Variants in NEXN observed in about 807,000 individuals in gnomAD.
NEXN encodes nexilin F-actin binding protein, also known as nexilin.
Under a neutral mutation model 92.6 loss-of-function variants are expected in NEXN, and 65 were observed. The ratio of observed to expected loss-of-function variants is 0.70; its 90% CI spans 0.57 to 0.86. NEXN has a LOEUF of 0.86. Among genes scored for constraint, NEXN ranks in the 40% least tolerant of loss-of-function variants. The probability of loss-of-function intolerance (pLI) is 0.00; values close to 1 mark genes in which losing one functional copy is unlikely to be tolerated. For synonymous variants in NEXN, 254 were observed against 242.5 expected (o/e 1.05, Z -0.44); for missense variants, 778 against 771.1 (o/e 1.01, Z -0.11).
At chr1:77,928,773 G>A (rs76748307) in intron 8 of NEXN, among the ~76,000 whole-genome samples, 1,792 of 152,064 alleles carry the variant, frequency 0.012, 33 homozygotes, top group African/African-American at 0.042. Context: ...ACACACATAC[G>A]CATTTTATAT....
intron 5 of NEXN, among the ~76,000 whole-genome samples, chr1:77,920,208 C>T (rs1649314881): frequency 6.6e-6 from 1 of 152,068 alleles, no homozygotes; most frequent in African/African-American, 2.4e-5. Context: ...GTAATTTTAT[C>T]TTGTAAATAT....
intron 1 of NEXN, among the ~76,000 whole-genome samples, chr1:77,891,311 G>C (rs933397583): frequency 1.3e-5 from 2 of 152,072 alleles, no homozygotes; most frequent in Non-Finnish European, 2.9e-5. Context: ...TTAGGATTTT[G>C]ATGTATTTCC....
chr1:77,891,131 A>G (rs1482101269), intron 1 of NEXN, among the ~76,000 whole-genome samples: 1 of 152,082 alleles, frequency 6.6e-6, no homozygotes, highest in African/African-American at 2.4e-5. Flanking sequence ...AGTTTGGCTT[A>G]ATTTATAGTA....
chr1:77,930,677 ATTTG>A (rs1190499021), intron 9 of NEXN, among the ~76,000 whole-genome samples: 3 of 152,052 alleles, frequency 2.0e-5, no homozygotes, highest in East Asian at 1.9e-4. Flanking sequence ...AATATGCTGA[ATTTG>A]TTTGTATTTC....
In NEXN at chr1:77,921,777, G is replaced by A. The variant is rs191585293; in HGVS notation, c.448-3411G>A. Among the ~76,000 whole-genome samples the A allele has an allele frequency of 1.6e-4, 25 of 152,224 alleles. No homozygotes were observed. In the East Asian group the frequency reaches 1.7e-3, roughly 11 times the overall value. ...TTAAAAAAAATTAGCTGAGCATGGT[G>A]GCGCATGTCTGCAGTCCCAGCTACT... On this transcript the variant is annotated intron_variant, in intron 5 of 12. Transcript: ENST00000334785.
chr1:77,891,360 G>A (rs1282599065), intron 1 of NEXN, among the ~76,000 whole-genome samples: 1 of 151,876 alleles, frequency 6.6e-6, no homozygotes, highest in African/African-American at 2.4e-5. Context: ...CTTTCTTTTT[G>A]CATTGACATA....
In NEXN at chr1:77,918,282, G is replaced by A; in HGVS notation, c.447+9G>A. Reference sequence around the variant, plus strand: ...CAAAAAGGGCTGAACAGGTATCACTGAAGATTAAGTTCGTATTTGTTTCTG... The same window carrying A: ...CAAAAAGGGCTGAACAGGTATCACTAAAGATTAAGTTCGTATTTGTTTCTG... On this transcript the variant is annotated intron_variant, in intron 5 of 12. Transcript: ENST00000334785. The A allele has an allele frequency of 6.2e-7, 1 of 1,613,806 alleles. No individual in the cohort carries two copies. The highest frequency in any genetic ancestry group is 8.5e-7 in the Non-Finnish European group (1 of 1,179,758).
chr1:77,931,136 C>T (rs996092819), intron 9 of NEXN, among the ~76,000 whole-genome samples: 7 of 150,544 alleles, frequency 4.6e-5, no homozygotes, highest in Admixed American at 6.7e-5. Context: ...GCCTGTAATC[C>T]CAGCACTTTG....
chr1:77,942,827 T>G lies in NEXN; in HGVS notation c.2026T>G (p.Ter676GluextTer28). Residue 676 changes from the stop codon to glutamate, a stop_lost, in exon 13 of 13, where the codon TAA becomes GAA. Transcript: ENST00000334785. ...TATTCTTACCATTGAAAGTAAGAAT[T>G]AATCACTCTTTTTATCTTTTATTCT... ...TCILTIESKN[*>E] 6.2e-7 allele frequency: 1 copy of G among 1,600,222 alleles called. No homozygotes were observed.
chr1:77,929,630 T>C, intron 9 of NEXN, 126 bp downstream of exon 9: 3 of 1,310,840 alleles, frequency 2.3e-6, no homozygotes, highest in Non-Finnish European at 2.2e-6. Context: ...AAATGGCAAA[T>C]ATGTTTTAAA....
chr1:77,907,138 A>C (rs1052956271), intron 1 of NEXN, among the ~76,000 whole-genome samples: 1 of 152,192 alleles, frequency 6.6e-6, no homozygotes, highest in Non-Finnish European at 1.5e-5. Context: ...GTATTAGTGA[A>C]ATAGTGGGTT....
At chr1:77,939,226 A>C (rs977355095) in intron 11 of NEXN, among the ~76,000 whole-genome samples, 6 of 152,182 alleles carry the variant, frequency 3.9e-5, no homozygotes, top group African/African-American at 1.2e-4. Flanking sequence ...AGATGATGCT[A>C]TAGAGAAATC....
At chr1:77,939,647 T>C (rs1004358574) in intron 11 of NEXN, among the ~76,000 whole-genome samples, 1 of 152,216 alleles carries the variant, frequency 6.6e-6, no homozygotes, top group Non-Finnish European at 1.5e-5. Context: ...CTAGTATACA[T>C]GGATGTGGTA....
At chr1:77,899,477 A>G (rs1647514313) in intron 1 of NEXN, among the ~76,000 whole-genome samples, 1 of 152,046 alleles carries the variant, frequency 6.6e-6, no homozygotes, top group Admixed American at 6.6e-5. Context: ...ATGGACACAG[A>G]AAGGGGAACA....
intron 11 of NEXN, 64 bp from the exon 12 acceptor site, chr1:77,941,959 A>G: frequency 6.7e-7 from 1 of 1,494,056 alleles, no homozygotes; most frequent in Non-Finnish European, 9.2e-7. Flanking sequence ...CACCTTTAGA[A>G]CTAGTAACGC....
chr1:77,913,252 T>C (rs1648721550), intron 1 of NEXN, among the ~76,000 whole-genome samples: 2 of 152,072 alleles, frequency 1.3e-5, no homozygotes, highest in African/African-American at 4.8e-5. Flanking sequence ...CCATCTCTAC[T>C]ACAAATACAA....
At chr1:77,936,448 A>T (rs981464215) in intron 11 of NEXN, among the ~76,000 whole-genome samples, 4 of 152,158 alleles carry the variant, frequency 2.6e-5, no homozygotes, top group Non-Finnish European at 5.9e-5. Context: ...CTAAAATAAT[A>T]TATTTTTTGG....
intron 1 of NEXN, among the ~76,000 whole-genome samples, chr1:77,901,506 G>A (rs1647706932): frequency 6.6e-6 from 1 of 152,044 alleles, no homozygotes; most frequent in Admixed American, 6.6e-5. Context: ...AGAACCACAT[G>A]TTCAACCTTA....
intron 1 of NEXN, among the ~76,000 whole-genome samples, chr1:77,904,910 G>A (rs1047485371): frequency 6.6e-6 from 1 of 152,216 alleles, no homozygotes; most frequent in Non-Finnish European, 1.5e-5. Context: ...GACCATGTCT[G>A]TGTGTTCAGT....
Sources: allele counts gnomAD v4.1 joint callset (sites outside exome capture counted in the v4.1 genomes callset), GRCh38; gene constraint gnomAD v4.1.1; transcripts MANE v1.5; gene names NCBI Gene and HGNC (gene_info 2026-07-23, HGNC 2026-07-21).